The following SPATA19 variants were observed in gnomAD, a reference collection of about 807,000 sequenced individuals.
The protein encoded by SPATA19 is spermatogenesis-associated protein 19, mitochondrial.
Under a neutral mutation model 25.0 loss-of-function variants are expected in SPATA19, and 19 were observed. The ratio of observed to expected loss-of-function variants is 0.76; its 90% CI spans 0.53 to 1.11. The LOEUF (loss-of-function observed/expected upper bound fraction) is 1.11, where lower values mean the gene tolerates loss of function less well. Among genes scored for constraint, SPATA19 ranks in the 50% most tolerant of loss-of-function variants. The pLI is 0.00. For synonymous variants in SPATA19, 64 were observed against 69.3 expected, an observed-to-expected ratio of 0.92 and a Z score of 0.38; for missense variants, 222 against 211.4, an observed-to-expected ratio of 1.05 and a Z score of -0.31.
chr11:133,844,647 G>A lies in SPATA19; in HGVS notation c.136-7C>T. Reference sequence around the variant, plus strand: ...GAGAAGCCTCTTCTTCTGTCTGAAAGGTGAGAAATTCCCTCTGAAAATGTC... The same window carrying A: ...GAGAAGCCTCTTCTTCTGTCTGAAAAGTGAGAAATTCCCTCTGAAAATGTC... On this transcript the variant is annotated splice_region_variant and splice_polypyrimidine_tract_variant and intron_variant, in intron 2 of 6. Coordinates refer to ENST00000299140, the MANE Select transcript of SPATA19 (RefSeq NM_174927.3). The A allele has an allele frequency of 1.0e-5, 16 of 1,588,090 alleles. No individual in the cohort carries two copies. The highest frequency in any genetic ancestry group is 1.4e-5 in the Non-Finnish European group (16 of 1,167,610).
intron 1 of SPATA19, 61 bp from the exon 2 acceptor site, chr11:133,845,251 A>G (rs1474444946): frequency 3.3e-6 from 4 of 1,215,230 alleles, no homozygotes; most frequent in East Asian, 7.3e-5. Context: ...CTTCCCACCC[A>G]GCCCCCGCAA....
chr11:133,845,108 C>A, intron 2 of SPATA19, 26 bp downstream of exon 2: 1 of 1,605,562 alleles, frequency 6.2e-7, no homozygotes, highest in Non-Finnish European at 8.5e-7. Flanking sequence ...TTTGGATATC[C>A]TGAGTCATAA....
intron 4 of SPATA19, 55 bp downstream of exon 4, chr11:133,844,191 G>A (rs530671550): frequency 2.1e-6 from 3 of 1,409,760 alleles, no homozygotes; most frequent in African/African-American, 2.8e-5. Context: ...TGAAGAGAGG[G>A]GCTTGCGCAT....
chr11:133,838,206 C>A (rs1389063666), downstream of SPATA19, among the ~76,000 whole-genome samples: 1 of 152,118 alleles, frequency 6.6e-6, no homozygotes, highest in African/African-American at 2.4e-5. Flanking sequence ...GAAAAATATG[C>A]TAAGGGCTCT....
Position 133,844,638 on chromosome 11 carries a change from T to C in SPATA19, c.138A>G (p.Thr46=). 1 of 1,601,494 alleles carries C rather than the reference T, an allele frequency of 6.2e-7. No homozygotes were observed. The highest frequency in any genetic ancestry group is 8.5e-7 in the Non-Finnish European group (1 of 1,173,924). The change falls in exon 3 of 7, where the codon ACA becomes ACG. Residue 46 remains threonine, a splice_region_variant and synonymous_variant. Transcript: ENST00000299140. The part of the protein sequence containing the change: ...VSVLHHWLKK[T]EEEASRGIKE... ...TTATGCCCCGAGAAGCCTCTTCTTC[T>C]GTCTGAAAGGTGAGAAATTCCCTCT... is the stretch of plus-strand genomic sequence containing the variant.
rs769979652 is a variant in SPATA19, at chr11:133,842,499, C to T, written c.423G>A (p.Glu141=). 15 of 1,613,992 alleles carry T rather than the reference C, an allele frequency of 9.3e-6. No individual in the cohort carries two copies. The highest frequency in any genetic ancestry group is 1.3e-5 in the Non-Finnish European group (15 of 1,179,868). ...MTEDIMRDRI[E]QVRRSISRLT... ...AAACAGCTTACCTTCGTCTCACCTG[C>T]TCTATTCGATCTCGCATGATGTCCT... The change falls in exon 5 of 7, where the codon GAG becomes GAA. Residue 141 remains glutamate (E), a synonymous_variant. Coordinates refer to ENST00000299140, the MANE Select transcript of SPATA19 (RefSeq NM_174927.3).
chr11:133,838,733 G>T (rs1431126974), downstream of SPATA19, among the ~76,000 whole-genome samples: 1 of 152,158 alleles, frequency 6.6e-6, no homozygotes, highest in African/African-American at 2.4e-5. Context: ...TACCATCAGG[G>T]TGAACAGGCA....
intron 6 of SPATA19, 90 bp downstream of exon 6, chr11:133,841,940 T>A (rs1418224957): frequency 1.7e-5 from 22 of 1,271,770 alleles, no homozygotes; most frequent in Non-Finnish European, 2.5e-5. Flanking sequence ...AAGCTAAGCC[T>A]CTTTACCAAG....
intron 1 of SPATA19, 68 bp downstream of exon 1, chr11:133,845,301 A>T: frequency 6.8e-7 from 1 of 1,474,146 alleles, no homozygotes; most frequent in Non-Finnish European, 9.4e-7. Context: ...TATGAAGTGC[A>T]GCAGGGTCCC....
In SPATA19 at chr11:133,844,510, A is replaced by G; in HGVS notation, c.266T>C (p.Val89Ala). The G allele has an allele frequency of 6.2e-7, 1 of 1,614,014 alleles. No individual in the cohort carries two copies. The highest frequency in any genetic ancestry group is 8.5e-7 in the Non-Finnish European group (1 of 1,180,000). The change falls in exon 3 of 7, where the codon GTG becomes GCG. Residue 89 changes from valine (V) to alanine (A), a missense_variant and splice_region_variant. Coordinates refer to ENST00000299140, the MANE Select transcript of SPATA19 (RefSeq NM_174927.3). ...HGQDIHVTRD[V>A]VKHHLSKSDL... ...GCAAGGTCTCAAACTCTCATTTACC[A>G]CATCTCTGGTCACGTGGATGTCCTG...
downstream of SPATA19, among the ~76,000 whole-genome samples, chr11:133,840,064 C>G (rs1938275387): frequency 6.6e-6 from 1 of 152,092 alleles, no homozygotes; most frequent in Non-Finnish European, 1.5e-5. Context: ...GGGAAAACAC[C>G]TTATCTATAG....
At chr11:133,843,337 A>G (rs1217886435) in intron 4 of SPATA19, among the ~76,000 whole-genome samples, 2 of 152,134 alleles carry the variant, frequency 1.3e-5, no homozygotes, top group Non-Finnish European at 2.9e-5. Context: ...AATCAACAAC[A>G]TTTATGATTT....
chr11:133,842,235 A>G, intron 5 of SPATA19, 130 bp from the exon 6 acceptor site: 1 of 923,298 alleles, frequency 1.1e-6, no homozygotes, highest in Non-Finnish European at 1.8e-6. Context: ...TGGGCCTGGG[A>G]GCACAGTCAT....
At chr11:133,845,253 C>T in intron 1 of SPATA19, 63 bp from the exon 2 acceptor site, 4 of 1,537,592 alleles carry the variant, frequency 2.6e-6, no homozygotes, top group East Asian at 4.5e-5. Context: ...TCCCACCCAG[C>T]CCCCGCAACT....
At position 133,844,495 on chromosome 11, in the gene SPATA19, A is replaced by C. The variant is rs200952000; in HGVS notation, c.267+14T>G. 11 of 1,614,048 alleles carry C rather than the reference A, an allele frequency of 6.8e-6. No individual in the cohort carries two copies. The highest frequency in any genetic ancestry group is 9.3e-6 in the Non-Finnish European group (11 of 1,179,996). On this transcript the variant is annotated intron_variant, in intron 3 of 6. Transcript: ENST00000299140. Reference sequence around the variant, plus strand: ...CACCGCTACTCCCAGGCAAGGTCTCAAACTCTCATTTACCACATCTCTGGT... The same window carrying C: ...CACCGCTACTCCCAGGCAAGGTCTCCAACTCTCATTTACCACATCTCTGGT...
chr11:133,840,246 A>G (rs1489878415), downstream of SPATA19, among the ~76,000 whole-genome samples: 1 of 152,192 alleles, frequency 6.6e-6, no homozygotes, highest in African/African-American at 2.4e-5. Context: ...CCAACCATCA[A>G]AAATTGAAGG....
At chr11:133,840,326 A>G (rs1446130497), downstream of SPATA19, among the ~76,000 whole-genome samples, 1 of 152,244 alleles carries the variant, frequency 6.6e-6, no homozygotes, top group Non-Finnish European at 1.5e-5. Context: ...GGAAAAGGAT[A>G]TAGGGCAGAA....
chr11:133,838,016 C>G (rs1252456825), downstream of SPATA19, among the ~76,000 whole-genome samples: 4 of 152,186 alleles, frequency 2.6e-5, no homozygotes, highest in Non-Finnish European at 5.9e-5. Context: ...GGTAAACATA[C>G]AGCCTCACAC....
intron 6 of SPATA19, 148 bp from the exon 7 acceptor site, chr11:133,841,071 C>T (rs1237459116): frequency 6.6e-6 from 1 of 152,162 alleles, no homozygotes; most frequent in African/African-American, 2.4e-5. Flanking sequence ...TATGAGCAAA[C>T]AATTGATGCG....
Sources: gnomAD v4.1 joint callset for allele counts (sites outside exome capture counted in the v4.1 genomes callset) on GRCh38, gnomAD v4.1.1 for gene constraint, MANE v1.5 for transcripts, NCBI Gene and HGNC (gene_info 2026-07-23, HGNC 2026-07-21) for gene names.